The following LRFN5 variants were observed in gnomAD, a reference collection of about 807,000 sequenced individuals.
LRFN5 encodes the protein leucine rich repeat and fibronectin type III domain containing 5.
LRFN5 carries 24 observed loss-of-function variants against 45.6 expected under a neutral mutation model. That is an observed-to-expected ratio of 0.53 (90% CI 0.38 to 0.74). The LOEUF (loss-of-function observed/expected upper bound fraction) is 0.74, where lower values mean the gene tolerates loss of function less well. LRFN5 is among the 30% of genes least tolerant of loss of function. The pLI is 0.00. For missense variants in LRFN5, 776 were observed against 861.5 expected (o/e 0.90, Z 1.24); for synonymous variants, 340 against 313.8 (o/e 1.08, Z -0.88).
At chr14:41,770,387 C>G (rs946414568) in intron 2 of LRFN5, among the ~76,000 whole-genome samples, 6 of 152,172 alleles carry the variant, frequency 3.9e-5, no homozygotes. Flanking sequence ...AACATTAAGT[C>G]TAAAGTCCTG....
At chr14:41,898,125 G>C (rs909534768) in intron 4 of LRFN5, among the ~76,000 whole-genome samples, 6 of 151,954 alleles carry the variant, frequency 3.9e-5, no homozygotes, top group Admixed American at 6.6e-5. Context: ...TGAAAGTTTT[G>C]TAAAAAACAA....
At chr14:41,756,103 TTC>T (rs1273675391) in intron 1 of LRFN5, among the ~76,000 whole-genome samples, 1 of 152,222 alleles carries the variant, frequency 6.6e-6, no homozygotes, top group Non-Finnish European at 1.5e-5. Flanking sequence ...CCCCACTCTC[TTC>T]TGGCTTGTAG....
At chr14:41,718,966 A>T (rs943208336) in intron 1 of LRFN5, among the ~76,000 whole-genome samples, 2 of 152,188 alleles carry the variant, frequency 1.3e-5, no homozygotes. Context: ...TGACTGTAAG[A>T]CAGGAAGCCA....
intron 1 of LRFN5, among the ~76,000 whole-genome samples, chr14:41,684,175 A>G (rs1170897490): frequency 2.0e-5 from 3 of 152,234 alleles, no homozygotes; most frequent in African/African-American, 7.2e-5. Flanking sequence ...CCAGGAACAT[A>G]CAATGAGGAA....
In LRFN5 at chr14:41,886,757, T is replaced by G; in HGVS notation, c.132T>G (p.Phe44Leu). ...TTTGTGCCAAGAAAGGGCTTTTATTTGTTCCACCAAACATTGACAGAAGAA... is the reference window on the plus strand; with the variant it reads ...TTTGTGCCAAGAAAGGGCTTTTATTGGTTCCACCAAACATTGACAGAAGAA... ...ATLCAKKGLL[F>L]VPPNIDRRTV... The change falls in exon 3 of 6, where the codon TTT (phenylalanine) becomes TTG (leucine). Residue 44 changes from phenylalanine to leucine, a missense_variant. Physicochemically the swap from Phe to Leu is conservative, Grantham distance 22. This residue lies in a region of LRFN5 where 311 missense variants were observed against 405.1 expected (regional missense o/e 0.77). Transcript: ENST00000298119. 3 of 1,614,216 alleles carry G rather than the reference T, an allele frequency of 1.9e-6. No individual in the cohort carries two copies. The highest frequency in any genetic ancestry group is 2.5e-6 in the Non-Finnish European group (3 of 1,180,030).
chr14:41,812,207 A>G (rs2138993466), intron 2 of LRFN5, among the ~76,000 whole-genome samples: 1 of 152,234 alleles, frequency 6.6e-6, no homozygotes, highest in African/African-American at 2.4e-5. Context: ...ATATATTCCA[A>G]AATGATATCA....
intron 1 of LRFN5, among the ~76,000 whole-genome samples, chr14:41,697,555 A>C (rs1882664842): frequency 6.6e-6 from 1 of 151,702 alleles, no homozygotes. Flanking sequence ...TGTTAATTTT[A>C]ATATCTTTCA....
chr14:41,673,370 G>T (rs1394131097), intron 1 of LRFN5, among the ~76,000 whole-genome samples: 1 of 147,858 alleles, frequency 6.8e-6, no homozygotes, highest in East Asian at 2.0e-4. Flanking sequence ...CCTCCCGGAC[G>T]GGGCGGCTGG....
chr14:41,795,607 T>A (rs896605922), intron 2 of LRFN5, among the ~76,000 whole-genome samples: 2 of 152,048 alleles, frequency 1.3e-5, no homozygotes. Flanking sequence ...TAAAAAATGA[T>A]GAGTTCATGT....
intron 1 of LRFN5, among the ~76,000 whole-genome samples, chr14:41,722,163 TA>T (rs1224883734): frequency 1.3e-5 from 2 of 152,130 alleles, no homozygotes; most frequent in South Asian, 2.1e-4. Context: ...AGTCTAGTAA[TA>T]AGTGTTTCAA....
intron 1 of LRFN5, among the ~76,000 whole-genome samples, chr14:41,726,354 A>G (rs1883932509): frequency 1.3e-5 from 2 of 152,140 alleles, no homozygotes; most frequent in African/African-American, 4.8e-5. Flanking sequence ...CTAAGTTATA[A>G]TTTGGTGGAA....
At chr14:41,777,269 T>C (rs1413702381) in intron 2 of LRFN5, among the ~76,000 whole-genome samples, 1 of 151,714 alleles carries the variant, frequency 6.6e-6, no homozygotes, top group Admixed American at 6.6e-5. Flanking sequence ...ACAAGTAATT[T>C]TTATTTTAGA....
intron 2 of LRFN5, among the ~76,000 whole-genome samples, chr14:41,845,756 T>TA (rs1889040372): frequency 6.6e-6 from 1 of 152,156 alleles, no homozygotes; most frequent in African/African-American, 2.4e-5. Context: ...TACCCAACAA[T>TA]AAGAGTATTA....
chr14:41,679,275 G>T (rs569911508), intron 1 of LRFN5, among the ~76,000 whole-genome samples: 1 of 152,270 alleles, frequency 6.6e-6, no homozygotes, highest in South Asian at 2.1e-4. Context: ...ACAAGCCAGG[G>T]TGGCTAAGGG....
intron 1 of LRFN5, among the ~76,000 whole-genome samples, chr14:41,611,311 T>A (rs564314336): frequency 1.4e-4 from 22 of 152,292 alleles, no homozygotes; most frequent in Non-Finnish European, 2.8e-4. Context: ...GGGGAAAATA[T>A]TTCTGCCACC....
chr14:41,810,989 T>A (rs862539), intron 2 of LRFN5, among the ~76,000 whole-genome samples: 112,665 of 151,868 alleles, frequency 0.74, 41,992 homozygotes, highest in East Asian at 0.93. Flanking sequence ...CATCTATTAG[T>A]TTAAAATACA....
At chr14:41,639,598 A>G (rs1477824516) in intron 1 of LRFN5, among the ~76,000 whole-genome samples, 3 of 152,154 alleles carry the variant, frequency 2.0e-5, no homozygotes, top group African/African-American at 7.2e-5. Flanking sequence ...GAAGAAAAAT[A>G]TGATTTCATA....
chr14:41,641,141 C>G (rs1340659250), intron 1 of LRFN5, among the ~76,000 whole-genome samples: 3 of 152,042 alleles, frequency 2.0e-5, no homozygotes, highest in African/African-American at 7.2e-5. Flanking sequence ...AAAACCACAG[C>G]ACAGTAACTT....
At chr14:41,674,224 G>T (rs1206288107) in intron 1 of LRFN5, among the ~76,000 whole-genome samples, 1 of 130,406 alleles carries the variant, frequency 7.7e-6, no homozygotes, top group African/African-American at 2.9e-5. Flanking sequence ...CCTCCCTCCC[G>T]GACGGGGCGG....
Sources: allele counts gnomAD v4.1 joint callset (sites outside exome capture counted in the v4.1 genomes callset), GRCh38; gene constraint gnomAD v4.1.1; regional missense constraint gnomAD v4.1.1; transcripts MANE v1.5; gene names NCBI Gene and HGNC (gene_info 2026-07-23, HGNC 2026-07-21).